The following ZFYVE9 variants were observed in gnomAD, a reference collection of about 807,000 sequenced individuals.
ZFYVE9 encodes zinc finger FYVE-type containing 9, also known as zinc finger FYVE domain-containing protein 9.
In ZFYVE9, 43 loss-of-function variants were observed where a neutral mutation model predicts 126.7. That is an observed-to-expected ratio of 0.34 (90% CI 0.27 to 0.44). The LOEUF (loss-of-function observed/expected upper bound fraction) is 0.44. Ranked by LOEUF, ZFYVE9 falls within the 20% of genes least tolerant of loss-of-function variation. ZFYVE9 has a pLI of 1.00. For synonymous variants in ZFYVE9, 521 were observed against 597.4 expected (o/e 0.87, Z 1.87); for missense variants, 1,476 against 1,697.0 (o/e 0.87, Z 2.29).
At chr1:52,235,343 T>G (rs1170346200) in intron 3 of ZFYVE9, among the ~76,000 whole-genome samples, 1 of 152,198 alleles carries the variant, frequency 6.6e-6, no homozygotes, top group Non-Finnish European at 1.5e-5. Context: ...GCAATCAACA[T>G]TATGCCCAGG....
intron 7 of ZFYVE9, among the ~76,000 whole-genome samples, chr1:52,269,487 T>C (rs1431351336): frequency 6.6e-6 from 1 of 152,220 alleles, no homozygotes; most frequent in Non-Finnish European, 1.5e-5. Flanking sequence ...TTACTAATTA[T>C]TTATATTAAT....
intron 10 of ZFYVE9, among the ~76,000 whole-genome samples, chr1:52,282,473 G>A (rs1443438026): frequency 6.6e-6 from 1 of 152,152 alleles, no homozygotes; most frequent in Non-Finnish European, 1.5e-5. Flanking sequence ...ATTGTAACAG[G>A]AAGTCAGTAC....
chr1:52,159,492 G>A (rs1205481641), intron 1 of ZFYVE9, among the ~76,000 whole-genome samples: 1 of 152,184 alleles, frequency 6.6e-6, no homozygotes, highest in Non-Finnish European at 1.5e-5. Flanking sequence ...CAGAGTCTCA[G>A]ACAACACAGT....
rs1342838962 is a variant in ZFYVE9 at position 52,292,510 on chromosome 1, C to G, written c.3026-943C>G. 1.9e-4 allele frequency among the ~76,000 whole-genome samples: 25 copies of G among 130,550 alleles called. No homozygotes were observed. In the Admixed American group the frequency reaches 2.2e-3, roughly 11 times the overall value. 85.6% of individuals were successfully genotyped at this position (130,550 alleles called of 152,430 possible). A position where few individuals can be genotyped will look rare whatever the true frequency, so the allele number is the denominator to read the frequency against. On this transcript the variant is annotated intron_variant, in intron 10 of 18. Transcript: ENST00000287727. ...TTTTTTTGAGACAGTGTCACTCTAT[C>G]GCCTAGGCTGGAGCGCAGTGGCACA...
At chr1:52,318,221 G>A (rs1030090000) in intron 13 of ZFYVE9, among the ~76,000 whole-genome samples, 4 of 152,060 alleles carry the variant, frequency 2.6e-5, no homozygotes, top group Non-Finnish European at 5.9e-5. Context: ...GTTTATTTCA[G>A]GAATGCTAAG....
chr1:52,268,921 T>C (rs959782791), intron 7 of ZFYVE9, among the ~76,000 whole-genome samples: 7 of 152,160 alleles, frequency 4.6e-5, no homozygotes, highest in Admixed American at 1.3e-4. Context: ...CCTTGCTACA[T>C]TGGTTTTTAA....
chr1:52,263,760 C>G lies in ZFYVE9; in HGVS notation c.2179-13C>G, dbSNP rs3833531. The G allele has an allele frequency of 0.43, 213,964 of 494,670 alleles. 60,248 individuals carry two copies. The highest frequency in any genetic ancestry group is 0.65 in the East Asian group (18,485 of 28,626). The allele number at this position is 494,670 out of a possible 1,614,324, so 30.6% of individuals were successfully genotyped here. ...GTAAATTTTGTGTGTTCTTCCCCCC[C>G]CCCCCCCCACAGGTTTTCTGTGCTT... On this transcript the variant is annotated splice_polypyrimidine_tract_variant and intron_variant, in intron 4 of 18. Transcript: ENST00000287727.
At chr1:52,280,900 G>T (rs572145065) in intron 9 of ZFYVE9, among the ~76,000 whole-genome samples, 1 of 151,972 alleles carries the variant, frequency 6.6e-6, no homozygotes, top group Non-Finnish European at 1.5e-5. Context: ...ATTGGCTTTT[G>T]TTGTAATTAC....
In ZFYVE9 at chr1:52,239,509, C is replaced by T; in HGVS notation, c.2092C>T (p.Pro698Ser). Residue 698 changes from proline (P) to serine (S), a missense_variant, in exon 4 of 19, where the codon CCG (proline) becomes TCG (serine). Pro to Ser is a moderately conservative substitution (Grantham distance 74). Transcript: ENST00000287727. ...GGGTGAGGTGGCTCCAGTATGGGTA[C>T]CGGATTCTCAGGCTCCAAATTGCAT... is the stretch of plus-strand genomic sequence containing the variant. Reference protein sequence around the residue: ...TLGEVAPVWVPDSQAPNCMKC... With the variant: ...TLGEVAPVWVSDSQAPNCMKC... The T allele has an allele frequency of 6.2e-7, 1 of 1,614,094 alleles. No individual in the cohort carries two copies. The highest frequency in any genetic ancestry group is 8.5e-7 in the Non-Finnish European group (1 of 1,180,006).
At chr1:52,311,827 A>G (rs895090364) in intron 13 of ZFYVE9, among the ~76,000 whole-genome samples, 3 of 150,936 alleles carry the variant, frequency 2.0e-5, no homozygotes, top group African/African-American at 4.9e-5. Context: ...GTCTCACTCC[A>G]TCGCCCAGGC....
chr1:52,293,759 A>T lies in ZFYVE9; in HGVS notation c.3250+82A>T. 2.3e-6 allele frequency: 3 copies of T among 1,326,870 alleles called. 1 individual carries two copies. In the South Asian group the frequency reaches 4.1e-5, roughly 18 times the overall value. The allele number at this position is 1,326,870 out of a possible 1,614,324, so 82.2% of individuals were successfully genotyped here. ...TTCAGAGCCCTCTGTTTGGTGATAT[A>T]ATTCAGCAGAAATAGTCTTTTGAAA... On this transcript the variant is annotated intron_variant, in intron 11 of 18. Coordinates refer to ENST00000287727, the MANE Select transcript of ZFYVE9 (RefSeq NM_004799.4).
chr1:52,318,635 CTG>C (rs1646210212), intron 13 of ZFYVE9, among the ~76,000 whole-genome samples: 1 of 151,750 alleles, frequency 6.6e-6, no homozygotes, highest in Non-Finnish European at 1.5e-5. Context: ...TAAAAAAAGA[CTG>C]TCGGTATTCA....
At chr1:52,179,902 C>T (rs1241036353) in intron 1 of ZFYVE9, 9 of 986,146 alleles carry the variant, frequency 9.1e-6, no homozygotes, top group African/African-American at 1.6e-5. Context: ...AAAAGGGCAT[C>T]TTAAAGTCTG....
intron 1 of ZFYVE9, chr1:52,190,042 A>G (rs1644802713): frequency 6.3e-6 from 1 of 157,634 alleles, no homozygotes; most frequent in Non-Finnish European, 1.4e-5. Context: ...AAGTGAGTAT[A>G]TATAGACCTC....
At chr1:52,311,446 G>C (rs1646136360) in intron 13 of ZFYVE9, among the ~76,000 whole-genome samples, 1 of 151,838 alleles carries the variant, frequency 6.6e-6, no homozygotes, top group Admixed American at 6.6e-5. Flanking sequence ...TGTATTTTTG[G>C]TAGAGACAGG....
chr1:52,299,715 A>G (rs938252473), intron 12 of ZFYVE9, among the ~76,000 whole-genome samples: 1 of 152,178 alleles, frequency 6.6e-6, no homozygotes, highest in African/African-American at 2.4e-5. Context: ...CAGCAGCTGG[A>G]TGATGGTGAT....
chr1:52,321,368 T>G (rs1303710122), intron 13 of ZFYVE9, among the ~76,000 whole-genome samples: 1 of 152,184 alleles, frequency 6.6e-6, no homozygotes, highest in Admixed American at 6.5e-5. Flanking sequence ...AGTCCTCTTC[T>G]TAAAGGAATG....
intron 7 of ZFYVE9, among the ~76,000 whole-genome samples, chr1:52,269,925 C>G (rs1054995956): frequency 2.0e-5 from 3 of 152,082 alleles, no homozygotes; most frequent in Admixed American, 1.3e-4. Context: ...ATAGCTGGGA[C>G]TGTAGGCAAG....
intron 7 of ZFYVE9, among the ~76,000 whole-genome samples, chr1:52,270,190 C>G (rs1255902037): frequency 6.6e-6 from 1 of 152,218 alleles, no homozygotes; most frequent in Non-Finnish European, 1.5e-5. Flanking sequence ...GCAATTATCA[C>G]ATGAGATGGA....
Sources: allele counts gnomAD v4.1 joint callset (sites outside exome capture counted in the v4.1 genomes callset), GRCh38; gene constraint gnomAD v4.1.1; transcripts MANE v1.5; gene names NCBI Gene and HGNC (gene_info 2026-07-23, HGNC 2026-07-21).